Variants in ME3 observed in about 807,000 individuals in gnomAD.
ME3 encodes malic enzyme 3, also known as NADP-dependent malic enzyme, mitochondrial.
A neutral mutation model predicts 68.9 loss-of-function variants in ME3; 48 were observed. The ratio of observed to expected loss-of-function variants is 0.70; its 90% CI spans 0.55 to 0.89. The LOEUF (loss-of-function observed/expected upper bound fraction) is 0.89. ME3 is among the 40% of genes least tolerant of loss of function. The pLI is 0.00. For synonymous variants in ME3, 320 were observed against 318.8 expected, an observed-to-expected ratio of 1.00 and a Z score of -0.04; for missense variants, 675 against 797.4, an observed-to-expected ratio of 0.85 and a Z score of 1.85.
At chr11:86,478,674 C>T (rs1279859037) in intron 7 of ME3, among the ~76,000 whole-genome samples, 2 of 152,170 alleles carry the variant, frequency 1.3e-5, no homozygotes, top group Non-Finnish European at 2.9e-5. Context: ...ACATTTTTTG[C>T]AGAATAATTC....
Position 86,672,311 on chromosome 11 carries a change from T to G in ME3, c.-15+13A>C. ...GTGGTGGCTTGCCTCGGTCCTCTCC[T>G]TCCCTGGCCCACCTGCGCTGCTCGG... On this transcript the variant is annotated intron_variant, in intron 1 of 14. Coordinates refer to ENST00000543262, the Ensembl canonical transcript of ME3. The G allele has an allele frequency of 9.1e-5, 18 of 196,838 alleles. No individual in the cohort carries two copies. The highest frequency in any genetic ancestry group is 1.8e-4 in the South Asian group (1 of 5,568). 12.2% of individuals were successfully genotyped at this position (196,838 alleles called of 1,614,324 possible). A position where few individuals can be genotyped will look rare whatever the true frequency, so the allele number is the denominator to read the frequency against.
chr11:86,488,650 T>C (rs1300599685), intron 6 of ME3, among the ~76,000 whole-genome samples: 2 of 152,258 alleles, frequency 1.3e-5, no homozygotes, highest in African/African-American at 2.4e-5. Flanking sequence ...TGGCCAACTT[T>C]CCACGTCTTC....
At chr11:86,524,778 C>T (rs1954601536) in intron 4 of ME3, among the ~76,000 whole-genome samples, 1 of 152,136 alleles carries the variant, frequency 6.6e-6, no homozygotes. Flanking sequence ...GGACCATGAT[C>T]CCTGGAAGCA....
rs543615285 is a variant in ME3, at chr11:86,460,841, C to G, written c.919+4250G>C. 5.3e-5 allele frequency among the ~76,000 whole-genome samples: 8 copies of G among 152,348 alleles called. No individual in the cohort carries two copies. In the South Asian group the frequency reaches 1.7e-3, roughly 32 times the overall value. On this transcript the variant is annotated intron_variant, in intron 8 of 14. Transcript: ENST00000543262. ...TAAAGGGGGACCATTGCAGCATGGG[C>G]TGTATCTGCCATGTTGGCTCATTAG...
At chr11:86,508,542 C>G (rs769117379) in intron 5 of ME3, among the ~76,000 whole-genome samples, 1 of 152,210 alleles carries the variant, frequency 6.6e-6, no homozygotes, top group Non-Finnish European at 1.5e-5. Flanking sequence ...GGACTCAACA[C>G]ATGCTGAACA....
chr11:86,492,407 A>G (rs149051067), intron 6 of ME3, among the ~76,000 whole-genome samples: 3 of 152,364 alleles, frequency 2.0e-5, no homozygotes, highest in African/African-American at 7.2e-5. Flanking sequence ...GTTGGAAAGA[A>G]TAAATGAGCT....
chr11:86,495,041 C>A (rs2138993844), intron 6 of ME3, among the ~76,000 whole-genome samples: 1 of 152,208 alleles, frequency 6.6e-6, no homozygotes, highest in Non-Finnish European at 1.5e-5. Flanking sequence ...TTCATTTTAG[C>A]AATAAAAATT....
chr11:86,647,694 CAAG>C (rs1362681676), intron 2 of ME3, among the ~76,000 whole-genome samples: 1 of 152,072 alleles, frequency 6.6e-6, no homozygotes, highest in Non-Finnish European at 1.5e-5. Flanking sequence ...ATCAATGCAA[CAAG>C]AAGAGCTAAG....
chr11:86,546,977 A>G lies in ME3; in HGVS notation c.467+9576T>C, dbSNP rs1414462284. Among the ~76,000 whole-genome samples the G allele has an allele frequency of 3.3e-5, 5 of 152,170 alleles. No homozygotes were observed. In the East Asian group the frequency reaches 9.7e-4, roughly 29 times the overall value. ...GTAGCGGCCGGGCACAGTGGCTCAC[A>G]CCTGTAATCCCAGCACTTTGGGAGG... On this transcript the variant is annotated intron_variant, in intron 4 of 14. Transcript: ENST00000543262.
At chr11:86,668,142 T>C (rs1946694611) in intron 2 of ME3, 1 of 152,190 alleles carries the variant, frequency 6.6e-6, no homozygotes, top group African/African-American at 2.4e-5. Flanking sequence ...GCCATCATTA[T>C]TCAGTAGACT....
chr11:86,606,598 G>A (rs1379128360), intron 2 of ME3, among the ~76,000 whole-genome samples: 2 of 152,182 alleles, frequency 1.3e-5, no homozygotes, highest in East Asian at 3.8e-4. Flanking sequence ...ACCCCAGTGA[G>A]TGATGTTCAC....
intron 5 of ME3, among the ~76,000 whole-genome samples, chr11:86,501,855 A>G (rs770824185): frequency 1.3e-5 from 2 of 152,134 alleles, no homozygotes; most frequent in Non-Finnish European, 2.9e-5. Flanking sequence ...ACTGCCTCGG[A>G]TCAGATCATC....
At chr11:86,629,843 A>T (rs908207495) in intron 2 of ME3, among the ~76,000 whole-genome samples, 2 of 152,240 alleles carry the variant, frequency 1.3e-5, no homozygotes, top group Admixed American at 1.3e-4. Context: ...CTAGCAGCTT[A>T]GATGGCTGAG....
intron 2 of ME3, among the ~76,000 whole-genome samples, chr11:86,593,694 T>G (rs1222380268): frequency 6.8e-6 from 1 of 146,796 alleles, no homozygotes; most frequent in African/African-American, 2.5e-5. Context: ...CTTCCTATCT[T>G]TTTTCTATGC....
At chr11:86,494,510 C>G (rs1952191359) in intron 6 of ME3, among the ~76,000 whole-genome samples, 1 of 152,138 alleles carries the variant, frequency 6.6e-6, no homozygotes. Context: ...ACTGCTTCCT[C>G]TCACCCCCGG....
chr11:86,556,196 T>C (rs1247461764), intron 4 of ME3, among the ~76,000 whole-genome samples: 1 of 152,206 alleles, frequency 6.6e-6, no homozygotes, highest in African/African-American at 2.4e-5. Flanking sequence ...TTGGCCTGAA[T>C]TGGCAGGAGA....
intron 7 of ME3, among the ~76,000 whole-genome samples, chr11:86,481,526 T>C (rs1048419770): frequency 2.0e-5 from 3 of 152,182 alleles, no homozygotes. Context: ...TTAGGAACCA[T>C]AGGTCAGTAT....
chr11:86,625,767 T>C lies in ME3; in HGVS notation c.183+45995A>G, dbSNP rs573391925. On this transcript the variant is annotated intron_variant, in intron 2 of 14. Coordinates refer to ENST00000543262, the Ensembl canonical transcript of ME3. ...ACTGAAATTAAGAGGCTCTGTAGTATAGTATTAATAGTACAGACCCTGAAA... is the reference window on the plus strand; with the variant it reads ...ACTGAAATTAAGAGGCTCTGTAGTACAGTATTAATAGTACAGACCCTGAAA... Among the ~76,000 whole-genome samples the C allele has an allele frequency of 3.9e-5, 6 of 152,300 alleles. No individual in the cohort carries two copies. In the South Asian group the frequency reaches 1.2e-3, roughly 32 times the overall value.
intron 2 of ME3, among the ~76,000 whole-genome samples, chr11:86,654,429 A>C (rs1222493361): frequency 6.6e-6 from 1 of 152,250 alleles, no homozygotes; most frequent in African/African-American, 2.4e-5. Context: ...CTGGGATGCA[A>C]GCCTGGTTCA....
Sources: gnomAD v4.1 joint callset for allele counts (sites outside exome capture counted in the v4.1 genomes callset) on GRCh38, gnomAD v4.1.1 for gene constraint, MANE v1.5 for transcripts, NCBI Gene and HGNC (gene_info 2026-07-23, HGNC 2026-07-21) for gene names.